NAV3: variants seen among roughly 807,000 people sequenced by gnomAD.
NAV3 encodes the protein pore membrane and/or filament interacting like protein 1.
A neutral mutation model predicts 244.7 loss-of-function variants in NAV3; 87 were observed. The observed-to-expected ratio is 0.36, with a 90% CI of 0.30 to 0.42. The LOEUF is 0.42. Among genes scored for constraint, NAV3 ranks in the 20% least tolerant of loss-of-function variants. NAV3 has a pLI of 1.00. For synonymous variants in NAV3, 1,126 were observed against 1,042.2 expected (o/e 1.08, Z -1.55); for missense variants, 2,663 against 2,893.3 (o/e 0.92, Z 1.83).
intron 2 of NAV3, among the ~76,000 whole-genome samples, chr12:77,788,932 A>G (rs951023555): frequency 2.6e-5 from 4 of 151,986 alleles, no homozygotes; most frequent in African/African-American, 9.7e-5. Context: ...CCTCTCCTCC[A>G]TCTCCCCCAG....
At chr12:78,203,203 A>G (rs1959916934) in intron 38 of NAV3, among the ~76,000 whole-genome samples, 1 of 152,040 alleles carries the variant, frequency 6.6e-6, no homozygotes. Context: ...ACTCGGAAAT[A>G]TAGTGTTTGG....
intron 2 of NAV3, among the ~76,000 whole-genome samples, chr12:77,625,404 A>G (rs528831293): frequency 1.3e-5 from 2 of 152,228 alleles, no homozygotes; most frequent in African/African-American, 2.4e-5. Context: ...AGAAAGAATT[A>G]TAGTGGAAAG....
chr12:78,088,377 G>A (rs1281275895), intron 12 of NAV3, among the ~76,000 whole-genome samples: 1 of 151,990 alleles, frequency 6.6e-6, no homozygotes, highest in Non-Finnish European at 1.5e-5. Context: ...ATTATAGAAT[G>A]TGTGAATAGA....
rs150256677 is a variant in NAV3, at chr12:77,635,089, C to T, written c.72+62823C>T. On this transcript the variant is annotated intron_variant, in intron 2 of 8. Transcript: ENST00000550042. ...ACTAAGAACACAAAAACTAGCCAGG[C>T]GTAGTGATGTGTGCCTGTAAACCAG... is the stretch of plus-strand genomic sequence containing the variant. Among the ~76,000 whole-genome samples, 7 of 151,906 alleles carry T rather than the reference C, an allele frequency of 4.6e-5. No individual in the cohort carries two copies. The East Asian group carries it at 5.8e-4, about 13-fold the overall frequency.
intron 1 of NAV3, among the ~76,000 whole-genome samples, chr12:77,928,242 A>AAAAG (rs753246963): frequency 3.1e-3 from 430 of 137,726 alleles, no homozygotes; most frequent in South Asian, 1.0e-2. Context: ...AAAAAAAAAA[A>AAAAG]AGAGAGAGAG....
At chr12:77,968,844 A>C in intron 5 of NAV3, 142 bp downstream of exon 5, 1 of 770,234 alleles carries the variant, frequency 1.3e-6, no homozygotes. Flanking sequence ...TGTGTAATAG[A>C]AACTAAAACC....
chr12:77,676,137 G>T (rs1874195642), intron 2 of NAV3, among the ~76,000 whole-genome samples: 2 of 151,874 alleles, frequency 1.3e-5, no homozygotes, highest in African/African-American at 4.8e-5. Context: ...GTGCAGGTTT[G>T]TTAAATAGGT....
At chr12:78,043,962 T>G (rs1186494726) in intron 9 of NAV3, among the ~76,000 whole-genome samples, 4 of 152,226 alleles carry the variant, frequency 2.6e-5, no homozygotes, top group Non-Finnish European at 5.9e-5. Context: ...ACTTTGGCTT[T>G]TGTTGCCATT....
At chr12:78,071,051 C>T (rs930558966) in intron 12 of NAV3, among the ~76,000 whole-genome samples, 2 of 151,358 alleles carry the variant, frequency 1.3e-5, no homozygotes, top group South Asian at 4.2e-4. Context: ...GATTTATAGT[C>T]CTTTGGGTAT....
chr12:77,936,276 T>A (rs187581500), intron 1 of NAV3, among the ~76,000 whole-genome samples: 1 of 152,326 alleles, frequency 6.6e-6, no homozygotes, highest in Admixed American at 6.5e-5. Flanking sequence ...TGATTATGCA[T>A]GCAATTGTAC....
intron 2 of NAV3, among the ~76,000 whole-genome samples, chr12:77,687,853 A>G (rs940274926): frequency 6.6e-6 from 1 of 152,072 alleles, no homozygotes; most frequent in African/African-American, 2.4e-5. Flanking sequence ...TTAAATCAAT[A>G]TATCATATAG....
In NAV3 at chr12:78,007,214, G is replaced by A; in HGVS notation, c.1676G>A (p.Gly559Glu). 6.2e-7 allele frequency: 1 copy of A among 1,614,192 alleles called. No homozygotes were observed. Among genetic ancestry groups the A allele is most frequent in the South Asian group, 1.1e-5 (1 of 91,088 alleles). Residue 559 changes from glycine to glutamate, a missense_variant, in exon 8 of 40, where the codon GGG becomes GAG. By Grantham distance (98) the Gly-to-Glu change is moderately conservative (BLOSUM62 -2). Coordinates refer to ENST00000397909, the MANE Select transcript of NAV3 (RefSeq NM_001024383.2). ...TCTGAGAAATTCAGGACTACCAAGG[G>A]GAGCCCTTCCCAGTCCTTATCTAAG... ...KESEKFRTTKGSPSQSLSKPI... is the reference protein window; with the variant it reads ...KESEKFRTTKESPSQSLSKPI...
Position 78,198,694 on chromosome 12 carries a change from GT to G in NAV3, c.6518+25del, listed in dbSNP as rs776146987. 10 of 956,926 alleles carry G rather than the reference GT, an allele frequency of 1.0e-5. No homozygotes were observed. The highest frequency in any genetic ancestry group is 3.3e-5 in the South Asian group (2 of 59,916). The allele number at this position is 956,926 out of a possible 1,614,324, so 59.3% of individuals were successfully genotyped here. ...AATTTCAGGTAAAGTTAAGTTGAAG[GT>G]TTTTTTGTTTTGTTTTTTTGTTTTG... On this transcript the variant is annotated intron_variant, in intron 36 of 39. Transcript: ENST00000397909.
At chr12:77,918,816 T>A (rs1346188528) in intron 1 of NAV3, among the ~76,000 whole-genome samples, 1 of 152,048 alleles carries the variant, frequency 6.6e-6, no homozygotes, top group Non-Finnish European at 1.5e-5. Flanking sequence ...TACAAGTGAT[T>A]TTCCAGGGTC....
At chr12:78,014,246 T>G (rs1434692612) in intron 8 of NAV3, among the ~76,000 whole-genome samples, 8 of 152,198 alleles carry the variant, frequency 5.3e-5, no homozygotes, top group African/African-American at 1.7e-4. Context: ...TTCTTTCTTT[T>G]CTGACCATTT....
rs140189483 is a variant in NAV3 at position 77,872,036 on chromosome 12, C to T, written c.243+40332C>T. On this transcript the variant is annotated intron_variant, in intron 1 of 39. Transcript: ENST00000397909. The stretch of plus-strand genomic sequence containing the variant: ...TTTTGATTTGGGTTTCTCTAATGAC[C>T]GGTGATGATGAGCTTTTTTTCATAT... Among the ~76,000 whole-genome samples, 9 of 152,212 alleles carry T rather than the reference C, an allele frequency of 5.9e-5. No individual in the cohort carries two copies. In the East Asian group the frequency reaches 7.7e-4, roughly 13 times the overall value.
chr12:78,100,782 C>A (rs1007099744), intron 12 of NAV3, among the ~76,000 whole-genome samples: 2 of 152,056 alleles, frequency 1.3e-5, no homozygotes, highest in African/African-American at 4.8e-5. Context: ...TGTACTTGTA[C>A]CACTGGATTC....
chr12:77,797,229 A>G (rs1871450891), intron 2 of NAV3, among the ~76,000 whole-genome samples: 1 of 152,150 alleles, frequency 6.6e-6, no homozygotes. Context: ...CCATTTTACT[A>G]ATTAGTAAAC....
At chr12:78,112,051 C>T (rs909181841) in intron 12 of NAV3, among the ~76,000 whole-genome samples, 4 of 152,150 alleles carry the variant, frequency 2.6e-5, no homozygotes, top group Non-Finnish European at 5.9e-5. Flanking sequence ...ATGATTAGAA[C>T]CAGCCTTTTT....
Sources: gnomAD v4.1 joint callset for allele counts (sites outside exome capture counted in the v4.1 genomes callset) on GRCh38, gnomAD v4.1.1 for gene constraint, MANE v1.5 for transcripts, NCBI Gene and HGNC (gene_info 2026-07-23, HGNC 2026-07-21) for gene names.